Variants in TULP4 observed in about 807,000 individuals in gnomAD.
TULP4 encodes TUB like protein 4.
TULP4 carries 16 observed loss-of-function variants against 129.0 expected under a neutral mutation model. The ratio of observed to expected loss-of-function variants is 0.12; its 90% confidence interval spans 0.08 to 0.19. The LOEUF is 0.19. Among genes scored for constraint, TULP4 ranks in the 10% least tolerant of loss-of-function variants. TULP4 has a pLI of 1.00. For missense variants in TULP4, 1,842 were observed against 2,059.1 expected (o/e 0.89, Z 2.04); for synonymous variants, 998 against 854.0 (o/e 1.17, Z -2.94).
chr6:158,470,828 C>T (rs1779664342), intron 6 of TULP4, among the ~76,000 whole-genome samples: 2 of 152,126 alleles, frequency 1.3e-5, no homozygotes, highest in African/African-American at 4.8e-5. Context: ...GTTCTAGGTG[C>T]TGGAGATACA....
At chr6:158,331,778 TACAC>T (rs111926333) in intron 1 of TULP4, among the ~76,000 whole-genome samples, 832 of 71,466 alleles carry the variant, frequency 0.012, 192 homozygotes, top group Middle Eastern at 0.032. Flanking sequence ...CACGTATATA[TACAC>T]ACACACATAC....
Position 158,502,731 on chromosome 6 carries a change from T to C in TULP4, c.3068T>C (p.Val1023Ala). The C allele has an allele frequency of 1.3e-6, 2 of 1,571,710 alleles. No homozygotes were observed. The highest frequency in any genetic ancestry group is 1.7e-6 in the Non-Finnish European group (2 of 1,162,612). The stretch of plus-strand genomic sequence containing the variant: ...TCCAAGGGCGGGCCCGGGGGGGTGG[T>C]GACACAGCTCCCAGCGCGGCCCCCA... ...AKSKGGPGGV[V>A]TQLPARPPPA... The change falls in exon 13 of 14, where the codon GTG becomes GCG. Residue 1023 changes from valine (V) to alanine (A), a missense_variant. Val to Ala is a moderately conservative substitution (Grantham distance 64, BLOSUM62 0). Around this residue, in one of 5 missense-constraint regions of TULP4, gnomAD observed 1,089 missense variants for 987.1 expected, o/e 1.10. Transcript: ENST00000367097.
intron 1 of TULP4, among the ~76,000 whole-genome samples, chr6:158,378,917 G>A (rs1777263625): frequency 6.6e-6 from 1 of 152,228 alleles, no homozygotes; most frequent in Non-Finnish European, 1.5e-5. Context: ...GGGCTCAAGA[G>A]AGAGCATTTT....
At chr6:158,335,095 G>A (rs867056308) in intron 1 of TULP4, among the ~76,000 whole-genome samples, 1 of 152,062 alleles carries the variant, frequency 6.6e-6, no homozygotes. Flanking sequence ...GGCCAACATG[G>A]TGAAACCCGG....
intron 1 of TULP4, among the ~76,000 whole-genome samples, chr6:158,302,725 T>C (rs1779152657): frequency 6.6e-6 from 1 of 152,174 alleles, no homozygotes; most frequent in South Asian, 2.1e-4. Flanking sequence ...CTTCATGTCT[T>C]GGACCGAGAC....
chr6:158,248,772 A>G (rs1562494100), intron 1 of TULP4, among the ~76,000 whole-genome samples: 1 of 152,104 alleles, frequency 6.6e-6, no homozygotes, highest in Non-Finnish European at 1.5e-5. Flanking sequence ...GTAAGTAAAT[A>G]AATAAATAAA....
chr6:158,321,294 G>A (rs1295406092), intron 1 of TULP4, among the ~76,000 whole-genome samples: 1 of 151,978 alleles, frequency 6.6e-6, no homozygotes, highest in African/African-American at 2.4e-5. Context: ...TTCTTTGCTG[G>A]CTCTGCCTTT....
upstream of TULP4, among the ~76,000 whole-genome samples, chr6:158,281,395 A>G (rs1048334802): frequency 1.3e-5 from 2 of 152,022 alleles, no homozygotes; most frequent in Admixed American, 1.3e-4. Context: ...TTGTATTTTT[A>G]GTAGAGATGG....
chr6:158,236,795 CTTTTTTTTTTTTTTTTTTTTTTTTT>C lies in TULP4; in HGVS notation n.68+4504_68+4528del, dbSNP rs71030149. On this transcript the variant is annotated intron_variant and non_coding_transcript_variant, in intron 1 of 1. Coordinates refer to the TULP4 transcript ENST00000620026. ...AGATGGGTAAATGCCCAATTCTTTT[CTTTTTTTTTTTTTTTTTTTTTTTTT>C]TTTTTTTTTTTGAGATAGGGTCTTG... is the stretch of plus-strand genomic sequence containing the variant. Among the ~76,000 whole-genome samples, 3 of 63,302 alleles carry C rather than the reference CTTTTTTTTTTTTTTTTTTTTTTTTT, an allele frequency of 4.7e-5. No homozygotes were observed. The South Asian group carries it at 1.7e-3, about 37-fold the overall frequency. 41.5% of individuals were successfully genotyped at this position (63,302 alleles called of 152,430 possible).
At chr6:158,465,777 T>C (rs1177296401) in intron 6 of TULP4, among the ~76,000 whole-genome samples, 1 of 152,178 alleles carries the variant, frequency 6.6e-6, no homozygotes, top group East Asian at 1.9e-4. Flanking sequence ...TAAATCAACA[T>C]GTGGAAGGTA....
intron 1 of TULP4, among the ~76,000 whole-genome samples, chr6:158,288,658 G>C (rs1778872005): frequency 6.6e-6 from 1 of 152,086 alleles, no homozygotes; most frequent in Middle Eastern, 3.4e-3. Flanking sequence ...CCGCCACCAC[G>C]CCCAGCTAAT....
At chr6:158,403,718 A>G (rs1777907201) in intron 1 of TULP4, among the ~76,000 whole-genome samples, 1 of 152,214 alleles carries the variant, frequency 6.6e-6, no homozygotes, top group South Asian at 2.1e-4. Context: ...GCCCTGCTTA[A>G]CTAGTATTTT....
chr6:158,378,036 G>A (rs1777232342), intron 1 of TULP4, among the ~76,000 whole-genome samples: 1 of 152,152 alleles, frequency 6.6e-6, no homozygotes, highest in African/African-American at 2.4e-5. Context: ...GAATGTCAGA[G>A]GCAGCTAGGC....
intron 1 of TULP4, among the ~76,000 whole-genome samples, chr6:158,268,146 C>A (rs1429919057): frequency 6.7e-6 from 1 of 149,174 alleles, no homozygotes; most frequent in Non-Finnish European, 1.5e-5. Context: ...AGCGATTCTT[C>A]TGCCCCAGCC....
intron 1 of TULP4, among the ~76,000 whole-genome samples, chr6:158,346,345 T>C (rs1473008950): frequency 6.6e-6 from 1 of 152,242 alleles, no homozygotes; most frequent in African/African-American, 2.4e-5. Context: ...ACAATTTATG[T>C]TCCTCTGCCA....
chr6:158,489,848 C>G (rs1203359261), intron 9 of TULP4, 116 bp downstream of exon 9: 2 of 1,254,962 alleles, frequency 1.6e-6, no homozygotes, highest in East Asian at 2.5e-5. Context: ...ACCTCCCTGC[C>G]TTTTCTTCCA....
intron 5 of TULP4, among the ~76,000 whole-genome samples, chr6:158,453,512 C>T (rs1367739275): frequency 4.8e-5 from 5 of 104,628 alleles, no homozygotes; most frequent in African/African-American, 2.2e-4. Context: ...AAAAAAAAGC[C>T]GGGCACGGTA....
intron 1 of TULP4, among the ~76,000 whole-genome samples, chr6:158,347,482 A>G (rs925894816): frequency 3.3e-5 from 5 of 152,174 alleles, no homozygotes; most frequent in Admixed American, 1.3e-4. Context: ...TAGTCCACAT[A>G]ACGGCCAAAA....
intron 1 of TULP4, among the ~76,000 whole-genome samples, chr6:158,341,085 C>T (rs1780170781): frequency 6.6e-6 from 1 of 152,136 alleles, no homozygotes; most frequent in East Asian, 1.9e-4. Context: ...ATTCCCTCCT[C>T]CCCACAACCC....
Sources: allele counts gnomAD v4.1 joint callset (sites outside exome capture counted in the v4.1 genomes callset), GRCh38; gene constraint gnomAD v4.1.1; regional missense constraint gnomAD v4.1.1; transcripts MANE v1.5; gene names NCBI Gene and HGNC (gene_info 2026-07-23, HGNC 2026-07-21).